PRMT2: variants seen among roughly 807,000 people sequenced by gnomAD.
The protein encoded by PRMT2 is protein arginine N-methyltransferase 2.
Under a neutral mutation model 57.6 loss-of-function variants are expected in PRMT2, and 26 were observed. That is an observed-to-expected ratio of 0.45 (90% CI 0.33 to 0.63). The LOEUF (loss-of-function observed/expected upper bound fraction) is 0.63, where lower values mean the gene tolerates loss of function less well. PRMT2 is among the 20% of genes least tolerant of loss of function. The pLI is 0.02. For synonymous variants in PRMT2, 219 were observed against 220.0 expected (o/e 1.00, Z 0.04); for missense variants, 472 against 564.4 (o/e 0.84, Z 1.66).
At chr21:46,637,015 A>C in intron 3 of PRMT2, 25 bp downstream of exon 3, 1 of 1,611,966 alleles carries the variant, frequency 6.2e-7, no homozygotes, top group Admixed American at 1.7e-5. Flanking sequence ...ACTTCCTAAA[A>C]ATCTGTGTTT....
At position 46,649,903 on chromosome 21, in the gene PRMT2, C is replaced by T; in HGVS notation, c.654+164C>T. The T allele has an allele frequency of 6.9e-7, 1 of 1,457,218 alleles. No individual in the cohort carries two copies. Among genetic ancestry groups the T allele is most frequent in the African/African-American group, 1.4e-5 (1 of 70,156 alleles). 90.3% of individuals were successfully genotyped at this position (1,457,218 alleles called of 1,614,324 possible). On this transcript the variant is annotated intron_variant, in intron 7 of 11. Transcript: ENST00000355680. The surrounding 1 kb of genome is among the most constrained non-coding windows in gnomAD (Gnocchi z 4.8). ...TCTTGTGTGGACATTGGCTCAGTGTCTTGAATTTTCACCTGATTTAAAAAA... is the reference window on the plus strand; with the variant it reads ...TCTTGTGTGGACATTGGCTCAGTGTTTTGAATTTTCACCTGATTTAAAAAA...
intron 7 of PRMT2, among the ~76,000 whole-genome samples, chr21:46,650,268 G>C (rs750366757): frequency 9.5e-6 from 1 of 104,766 alleles, no homozygotes; most frequent in Non-Finnish European, 1.9e-5. Flanking sequence ...GTTGACGGGA[G>C]TGTGGCTGGA....
intron 10 of PRMT2, among the ~76,000 whole-genome samples, chr21:46,662,782 G>A (rs1442229047): frequency 6.6e-6 from 1 of 152,164 alleles, no homozygotes; most frequent in East Asian, 1.9e-4. Context: ...TGTTTCCAAC[G>A]CAACCCAGTG....
chr21:46,651,310 A>T (rs1403606776), intron 7 of PRMT2, among the ~76,000 whole-genome samples: 1 of 152,090 alleles, frequency 6.6e-6, no homozygotes, highest in Admixed American at 6.5e-5. Flanking sequence ...AGCCGCAGGG[A>T]GTGGGCCACC....
intron 7 of PRMT2, chr21:46,652,695 T>C (rs1432685174): frequency 2.9e-5 from 33 of 1,133,032 alleles, no homozygotes; most frequent in Non-Finnish European, 3.5e-5. Context: ...TCAAAGAGCA[T>C]TAAAATTTTT....
chr21:46,652,715 C>T (rs917078086), intron 7 of PRMT2: 2 of 1,117,788 alleles, frequency 1.8e-6, no homozygotes, highest in Non-Finnish European at 2.2e-6. Flanking sequence ...TTTGTTTTTC[C>T]AGAAGCAGCA....
At chr21:46,645,923 A>T (rs1034873265) in intron 5 of PRMT2, among the ~76,000 whole-genome samples, 1 of 152,120 alleles carries the variant, frequency 6.6e-6, no homozygotes, top group African/African-American at 2.4e-5. Context: ...CATGTTGGCC[A>T]GACTGGTCTT....
chr21:46,664,738 C>T lies in PRMT2; in HGVS notation c.*411C>T, dbSNP rs2061678555. On this transcript the variant is annotated 3_prime_UTR_variant, in exon 12 of 12. Transcript: ENST00000355680. The stretch of plus-strand genomic sequence containing the variant: ...CCTATGTTAGTGGTGCCCTTACTGC[C>T]GTCGCTCATCCACTCGTGTGGGACG... 2.1e-5 allele frequency: 5 copies of T among 240,298 alleles called. No individual in the cohort carries two copies. Among genetic ancestry groups the T allele is most frequent in the South Asian group, 7.1e-5 (1 of 14,102 alleles). 14.9% of individuals were successfully genotyped at this position (240,298 alleles called of 1,614,324 possible). A position where few individuals can be genotyped will look rare whatever the true frequency, so the allele number is the denominator to read the frequency against.
chr21:46,652,677 A>G (rs2061478194), intron 7 of PRMT2: 2 of 985,304 alleles, frequency 2.0e-6, no homozygotes, highest in South Asian at 9.4e-5. Context: ...AAAATAGGGC[A>G]GAATAAGTCA....
At chr21:46,643,124 A>G (rs1359308842) in intron 3 of PRMT2, among the ~76,000 whole-genome samples, 2 of 152,074 alleles carry the variant, frequency 1.3e-5, no homozygotes, top group African/African-American at 4.8e-5. Flanking sequence ...GGTTTGTGCC[A>G]TGCCATCAGC....
chr21:46,663,289 G>A, intron 10 of PRMT2, 94 bp from the exon 11 acceptor site: 1 of 1,291,160 alleles, frequency 7.7e-7, no homozygotes, highest in Non-Finnish European at 1.1e-6. Flanking sequence ...GCTGTTGGGG[G>A]CGAGAGCCAG....
intron 3 of PRMT2, among the ~76,000 whole-genome samples, chr21:46,640,985 C>CTA (rs1460965789): frequency 1.3e-5 from 2 of 151,778 alleles, no homozygotes; most frequent in East Asian, 3.9e-4. Flanking sequence ...GAAATAGTAT[C>CTA]TATATTGTAC....
In PRMT2 at chr21:46,664,418, T is replaced by C. The variant is rs763358883; in HGVS notation, c.*91T>C. The C allele has an allele frequency of 2.0e-6, 3 of 1,513,496 alleles. No individual in the cohort carries two copies. Among genetic ancestry groups the C allele is most frequent in the African/African-American group, 2.8e-5 (2 of 72,704 alleles). The allele number at this position is 1,513,496 out of a possible 1,614,324, so 93.8% of individuals were successfully genotyped here. A position where few individuals can be genotyped will look rare whatever the true frequency, so the allele number is the denominator to read the frequency against. On this transcript the variant is annotated 3_prime_UTR_variant, in exon 12 of 12. Transcript: ENST00000355680. ...GTTGCACCTGGCTTCTGCACACTCC[T>C]GCGAAAGTCGGTGAACATTCACTCC...
intron 3 of PRMT2, among the ~76,000 whole-genome samples, chr21:46,639,306 G>T (rs1170673583): frequency 6.6e-6 from 1 of 152,104 alleles, no homozygotes; most frequent in Non-Finnish European, 1.5e-5. Context: ...TACTTGCAAA[G>T]ACTATGTATT....
intron 7 of PRMT2, chr21:46,653,939 T>G (rs1232665068): frequency 6.2e-6 from 5 of 802,474 alleles, no homozygotes; most frequent in Non-Finnish European, 7.6e-6. Context: ...TTTTCTTGTT[T>G]TTTTTTTTTT....
chr21:46,643,292 T>G, intron 3 of PRMT2: 1 of 633,428 alleles, frequency 1.6e-6, no homozygotes, highest in Non-Finnish European at 2.1e-6. Flanking sequence ...GGTGCCTGTT[T>G]CTGACTTCTT....
At chr21:46,660,100 T>C in intron 8 of PRMT2, 3 of 971,188 alleles carry the variant, frequency 3.1e-6, no homozygotes, top group Non-Finnish European at 3.7e-6. Flanking sequence ...AATAAATGTG[T>C]AAATATAGTG....
In PRMT2 at chr21:46,649,546, G is replaced by A. The variant is rs758790506; in HGVS notation, c.490-29G>A. 14 of 1,613,722 alleles carry A rather than the reference G, an allele frequency of 8.7e-6. No homozygotes were observed. In the Admixed American group the frequency reaches 2.2e-4, roughly 25 times the overall value. On this transcript the variant is annotated intron_variant, in intron 6 of 11. Coordinates refer to ENST00000355680, the MANE Select transcript of PRMT2 (RefSeq NM_206962.4). The surrounding 1 kb of genome is among the most constrained non-coding windows in gnomAD (Gnocchi z 4.8). ...ATGACGGGCCGTGTGCCGGCCGGAT[G>A]TACGCTGACGGTGCCTCTGCTGCTG...
At chr21:46,651,487 A>G (rs2061450218) in intron 7 of PRMT2, among the ~76,000 whole-genome samples, 1 of 151,894 alleles carries the variant, frequency 6.6e-6, no homozygotes, top group African/African-American at 2.4e-5. Context: ...CACCCTGAGC[A>G]GGACATTTGG....
Sources: allele counts gnomAD v4.1 joint callset (sites outside exome capture counted in the v4.1 genomes callset), GRCh38; gene constraint gnomAD v4.1.1; non-coding constraint Gnocchi (gnomAD v3.1); transcripts MANE v1.5; gene names NCBI Gene and HGNC (gene_info 2026-07-23, HGNC 2026-07-21).